RORA: variants seen among roughly 807,000 people sequenced by gnomAD.
RORA encodes the protein nuclear receptor ROR-alpha.
In RORA, 7 loss-of-function variants were observed where a neutral mutation model predicts 69.5. The ratio of observed to expected loss-of-function variants is 0.10; its 90% confidence interval spans 0.06 to 0.19. RORA has a LOEUF of 0.19. Among genes scored for constraint, RORA ranks in the 10% least tolerant of loss-of-function variants. RORA has a pLI of 1.00. For missense variants in RORA, 457 were observed against 663.0 expected (o/e 0.69, Z 3.41); for synonymous variants, 261 against 240.8 (o/e 1.08, Z -0.78).
chr15:60,561,236 C>T (rs865929814), intron 2 of RORA, among the ~76,000 whole-genome samples: 8 of 151,694 alleles, frequency 5.3e-5, no homozygotes, highest in Non-Finnish European at 1.2e-4. Context: ...CGCCCGCTAC[C>T]ACGCCCGGCT....
chr15:60,660,181 G>A (rs542372382), intron 2 of RORA, among the ~76,000 whole-genome samples: 37 of 152,066 alleles, frequency 2.4e-4, no homozygotes, highest in South Asian at 6.2e-4. Flanking sequence ...TCTTTTAGAC[G>A]CTGACATTAC....
chr15:60,541,759 T>C (rs2066879453), intron 2 of RORA, among the ~76,000 whole-genome samples: 1 of 152,196 alleles, frequency 6.6e-6, no homozygotes, highest in South Asian at 2.1e-4. Flanking sequence ...ATGTCATTTT[T>C]TTCCCCAAGA....
intron 3 of RORA, among the ~76,000 whole-genome samples, chr15:60,523,422 TTTA>T (rs1185322292): frequency 1.4e-4 from 21 of 152,202 alleles, no homozygotes; most frequent in African/African-American, 4.1e-4. Context: ...TATTGTATAT[TTTA>T]TTATTGTTTG....
chr15:60,823,804 TAA>T (rs35111164), intron 1 of RORA, among the ~76,000 whole-genome samples: 2 of 151,012 alleles, frequency 1.3e-5, no homozygotes, highest in Admixed American at 6.6e-5. Context: ...GATAAGAAAT[TAA>T]AAAAAAAAAT....
intron 5 of RORA, among the ~76,000 whole-genome samples, chr15:60,509,113 G>A (rs2065608946): frequency 6.6e-6 from 1 of 152,164 alleles, no homozygotes; most frequent in African/African-American, 2.4e-5. Context: ...TAAAGAGATA[G>A]CAGGCTTTAA....
At chr15:60,621,649 T>C (rs1306072585) in intron 2 of RORA, among the ~76,000 whole-genome samples, 1 of 152,124 alleles carries the variant, frequency 6.6e-6, no homozygotes, top group East Asian at 1.9e-4. Flanking sequence ...AGATTGTGGG[T>C]TGGGGAACAG....
At chr15:60,573,975 A>G (rs996589818) in intron 2 of RORA, among the ~76,000 whole-genome samples, 3 of 152,056 alleles carry the variant, frequency 2.0e-5, no homozygotes, top group African/African-American at 7.2e-5. Context: ...TGCTCAATCC[A>G]TTTCTATGTG....
intron 2 of RORA, among the ~76,000 whole-genome samples, chr15:60,573,384 G>A (rs1224947931): frequency 2.0e-5 from 3 of 152,290 alleles, no homozygotes; most frequent in African/African-American, 4.8e-5. Context: ...CGGCCGCACA[G>A]AAACCCAAAT....
chr15:61,061,791 G>A lies in RORA; in HGVS notation c.166+167262C>T, dbSNP rs991834582. Among the ~76,000 whole-genome samples, 1 of 152,106 alleles carries A rather than the reference G, an allele frequency of 6.6e-6. No individual in the cohort carries two copies. Among genetic ancestry groups the A allele is most frequent in the African/African-American group, 2.4e-5 (1 of 41,412 alleles). ...AATAAATGTTAGTAAGGCCGGGCACGGTGGTTCACGCCTGTAACCCCAGCA... is the reference window on the plus strand; with the variant it reads ...AATAAATGTTAGTAAGGCCGGGCACAGTGGTTCACGCCTGTAACCCCAGCA... On this transcript the variant is annotated intron_variant, in intron 1 of 10. Coordinates refer to ENST00000335670, the MANE Select transcript of RORA (RefSeq NM_134261.3). This position sits in a 1 kb window ranked among gnomAD's most constrained non-coding sequence, Gnocchi z 4.4.
chr15:60,676,434 G>A (rs898849626), intron 2 of RORA, among the ~76,000 whole-genome samples: 6 of 152,062 alleles, frequency 3.9e-5, no homozygotes, highest in African/African-American at 1.2e-4. Context: ...TTCCAATTTT[G>A]TCATTCGGCC....
intron 1 of RORA, among the ~76,000 whole-genome samples, chr15:60,986,226 T>C (rs12101487): frequency 0.22 from 33,422 of 150,434 alleles, 3,861 homozygotes; most frequent in African/African-American, 0.28. Context: ...CTCCACCTTC[T>C]AGGTTCAAGC....
chr15:60,934,933 A>G (rs748394124), intron 1 of RORA, among the ~76,000 whole-genome samples: 15 of 152,232 alleles, frequency 9.9e-5, no homozygotes, highest in Non-Finnish European at 1.5e-4. Context: ...TCCACAGCCA[A>G]GCTTATGTTG....
intron 1 of RORA, among the ~76,000 whole-genome samples, chr15:61,228,649 T>C (rs1206226988): frequency 6.6e-6 from 1 of 151,724 alleles, no homozygotes; most frequent in Non-Finnish European, 1.5e-5. Flanking sequence ...ACAGATTTTT[T>C]TGCCCCTTCT....
At chr15:60,660,204 T>C (rs2070284026) in intron 2 of RORA, among the ~76,000 whole-genome samples, 1 of 152,222 alleles carries the variant, frequency 6.6e-6, no homozygotes, top group Non-Finnish European at 1.5e-5. Flanking sequence ...AGACACAATG[T>C]ATCTGGAACA....
intron 1 of RORA, among the ~76,000 whole-genome samples, chr15:60,717,323 T>C (rs2071233253): frequency 6.6e-6 from 1 of 152,176 alleles, no homozygotes; most frequent in Non-Finnish European, 1.5e-5. Context: ...TTATGGTAGA[T>C]AAATGAGAGA....
At chr15:61,159,339 A>G (rs2079474030) in intron 1 of RORA, among the ~76,000 whole-genome samples, 1 of 152,202 alleles carries the variant, frequency 6.6e-6, no homozygotes, top group African/African-American at 2.4e-5. Context: ...TTAAGCCATC[A>G]TTTAACCTGA....
At chr15:61,007,760 T>TTA (rs905764878) in intron 1 of RORA, among the ~76,000 whole-genome samples, 8 of 147,962 alleles carry the variant, frequency 5.4e-5, no homozygotes, top group Non-Finnish European at 1.2e-4. Context: ...ATGTTATATA[T>TTA]TATATATAAC....
At chr15:61,089,436 A>G (rs1056372484) in intron 1 of RORA, among the ~76,000 whole-genome samples, 4 of 152,210 alleles carry the variant, frequency 2.6e-5, no homozygotes, top group Non-Finnish European at 4.4e-5. Flanking sequence ...ACATGTGCAC[A>G]TACATGCACA....
At chr15:60,702,172 T>A (rs2613619) in intron 1 of RORA, among the ~76,000 whole-genome samples, 1,718 of 152,290 alleles carry the variant, frequency 0.011, 27 homozygotes, top group African/African-American at 0.032. Flanking sequence ...CTTTCTCTTC[T>A]GTGAAACTGA....
Sources: allele counts gnomAD v4.1 joint callset (sites outside exome capture counted in the v4.1 genomes callset), GRCh38; gene constraint gnomAD v4.1.1; non-coding constraint Gnocchi (gnomAD v3.1); transcripts MANE v1.5; gene names NCBI Gene and HGNC (gene_info 2026-07-23, HGNC 2026-07-21).